The following MARK2 variants were observed in gnomAD, a reference collection of about 807,000 sequenced individuals.
The protein encoded by MARK2 is microtubule affinity regulating kinase 2.
A neutral mutation model predicts 89.8 loss-of-function variants in MARK2; 16 were observed. The observed-to-expected ratio is 0.18, with a 90% CI of 0.12 to 0.27. The LOEUF is 0.27. MARK2 is among the 10% of genes least tolerant of loss of function. MARK2 has a pLI of 1.00. For missense variants in MARK2, 621 were observed against 1,049.9 expected, an observed-to-expected ratio of 0.59 and a Z score of 5.65; for synonymous variants, 382 against 399.5, an observed-to-expected ratio of 0.96 and a Z score of 0.52.
In MARK2 at chr11:63,908,926, C is replaced by T. The variant is rs929510043; in HGVS notation, c.2056C>T (p.Arg686Trp). 4.0e-6 allele frequency: 6 copies of T among 1,506,712 alleles called. No individual in the cohort carries two copies. The highest frequency in any genetic ancestry group is 1.4e-5 in the African/African-American group (1 of 71,714). 93.3% of individuals were successfully genotyped at this position (1,506,712 alleles called of 1,614,324 possible). Residue 686 changes from arginine to tryptophan, a missense_variant, in exon 19 of 19, where the codon CGG becomes TGG. Arg to Trp is a moderately radical substitution (Grantham distance 101). Coordinates refer to ENST00000402010, the MANE Select transcript of MARK2 (RefSeq NM_001039469.3). ...CAACGACAAAGAAAAGGAAGAATTT[C>T]GGGAGGCCAAGCCCCGCTCCCTCCG... ...GGNDKEKEEF[R>W]EAKPRSLRFT... is the part of the protein sequence containing the mutation.
chr11:63,890,347 G>A, intron 1 of MARK2: 1 of 1,152,000 alleles, frequency 8.7e-7, no homozygotes, highest in Non-Finnish European at 1.2e-6. Context: ...GGATGGTTCA[G>A]TCCCGAAAAG....
Position 63,902,354 on chromosome 11 carries a change from G to C in MARK2, c.1234+24G>C. On this transcript the variant is annotated intron_variant, in intron 12 of 18. Coordinates refer to ENST00000402010, the MANE Select transcript of MARK2 (RefSeq NM_001039469.3). The surrounding 1 kb of genome is among the most constrained non-coding windows in gnomAD (Gnocchi z 4.2). ...GGGTAAATGCTTTTGGGAGTTGTAGGTGGGGACTCACCCCTCTCCAGAGAG... is the reference window on the plus strand; with the variant it reads ...GGGTAAATGCTTTTGGGAGTTGTAGCTGGGGACTCACCCCTCTCCAGAGAG... 6.2e-7 allele frequency: 1 copy of C among 1,613,572 alleles called. No homozygotes were observed.
intron 1 of MARK2, among the ~76,000 whole-genome samples, chr11:63,861,281 A>C (rs563369080): frequency 3.2e-4 from 48 of 152,154 alleles, no homozygotes; most frequent in African/African-American, 1.1e-3. Flanking sequence ...TAAAAATACA[A>C]AAAACGTAGC....
chr11:63,885,071 C>T (rs1248634112), intron 1 of MARK2, among the ~76,000 whole-genome samples: 1 of 151,938 alleles, frequency 6.6e-6, no homozygotes, highest in Non-Finnish European at 1.5e-5. Flanking sequence ...GGCTTGGTGG[C>T]CCATGCCTGT....
At chr11:63,891,518 A>G (rs770878856) in intron 1 of MARK2, among the ~76,000 whole-genome samples, 5 of 152,224 alleles carry the variant, frequency 3.3e-5, no homozygotes, top group African/African-American at 4.8e-5. Context: ...CAGGATGGGC[A>G]TGGGATGCCC....
chr11:63,902,024 T>C lies in MARK2; in HGVS notation c.1102-174T>C, dbSNP rs942062803. Among the ~76,000 whole-genome samples, 4 of 152,138 alleles carry C rather than the reference T, an allele frequency of 2.6e-5. No homozygotes were observed. Among genetic ancestry groups the C allele is most frequent in the Non-Finnish European group, 1.5e-5 (1 of 68,018 alleles). ...GTTTGTCAGTGTCTGTGTCAGAGCA[T>C]GTGTGTCTCCAGGGTCTCCTCCAGG... On this transcript the variant is annotated intron_variant, in intron 11 of 18. Transcript: ENST00000402010. The surrounding 1 kb of genome is among the most constrained non-coding windows in gnomAD (Gnocchi z 4.2).
chr11:63,843,130 C>T (rs1160789696), intron 1 of MARK2, among the ~76,000 whole-genome samples: 2 of 152,254 alleles, frequency 1.3e-5, no homozygotes, highest in African/African-American at 2.4e-5. Flanking sequence ...ATCTGGGGCT[C>T]GTAGCTTGGG....
rs1264212627 is a variant in MARK2, at chr11:63,839,253, C to T, written c.-254C>T. 2 of 261,126 alleles carry T rather than the reference C, an allele frequency of 7.7e-6. No individual in the cohort carries two copies. The highest frequency in any genetic ancestry group is 1.4e-5 in the Non-Finnish European group (2 of 140,402). 16.2% of individuals were successfully genotyped at this position (261,126 alleles called of 1,614,324 possible). ...CAGAGAGTAGGCGGAGCGGCGCGGC[C>T]CGGCCGAAAGGCGGCACAGCCCAGC... On this transcript the variant is annotated 5_prime_UTR_variant, in exon 1 of 19. Transcript: ENST00000402010.
chr11:63,888,723 G>A lies in MARK2; in HGVS notation c.55-6436G>A, dbSNP rs73494128. On this transcript the variant is annotated intron_variant, in intron 1 of 18. Coordinates refer to ENST00000402010, the MANE Select transcript of MARK2 (RefSeq NM_001039469.3). The stretch of plus-strand genomic sequence containing the variant: ...CTCTGCTAGTGGTGGTTTCGGTTGC[G>A]ACACCGTCCAGGTTCCCAGGCAGGA... 1,818 of 1,192,140 alleles carry A rather than the reference G, an allele frequency of 1.5e-3. 24 individuals carry two copies. In the African/African-American group the frequency reaches 0.027, roughly 17 times the overall value. 73.8% of individuals were successfully genotyped at this position (1,192,140 alleles called of 1,614,324 possible).
chr11:63,910,081 G>C lies in MARK2; in HGVS notation c.*844G>C, dbSNP rs916285100. ...GGAGGGGCTGACCCCAGGGCTGGGA[G>C]AGGGGAGGGGACTGGAGGGCAGACT... is the stretch of plus-strand genomic sequence containing the variant. On this transcript the variant is annotated 3_prime_UTR_variant, in exon 19 of 19. Transcript: ENST00000402010. 3 of 152,436 alleles carry C rather than the reference G, an allele frequency of 2.0e-5. No individual in the cohort carries two copies. Among genetic ancestry groups the C allele is most frequent in the South Asian group, 2.1e-4 (1 of 4,838 alleles). The allele number at this position is 152,436 out of a possible 1,614,324, so 9.4% of individuals were successfully genotyped here. A position where few individuals can be genotyped will look rare whatever the true frequency, so the allele number is the denominator to read the frequency against.
chr11:63,909,458 TCTC>T lies in MARK2; in HGVS notation c.*225_*227del, dbSNP rs1027315249. 8.5e-5 allele frequency: 38 copies of T among 445,478 alleles called. No homozygotes were observed. The highest frequency in any genetic ancestry group is 1.3e-4 in the Non-Finnish European group (32 of 255,120). The allele number at this position is 445,478 out of a possible 1,614,324, so 27.6% of individuals were successfully genotyped here. A position where few individuals can be genotyped will look rare whatever the true frequency, so the allele number is the denominator to read the frequency against. ...TCACCCCTGCCCAGAGATTCCCCCT[TCTC>T]CTCTCCCCTACTGGAGGCAAAGGAA... On this transcript the variant is annotated 3_prime_UTR_variant, in exon 19 of 19. Coordinates refer to ENST00000402010, the MANE Select transcript of MARK2 (RefSeq NM_001039469.3).
At chr11:63,842,406 A>G (rs2016064875) in intron 1 of MARK2, among the ~76,000 whole-genome samples, 1 of 152,058 alleles carries the variant, frequency 6.6e-6, no homozygotes, top group Non-Finnish European at 1.5e-5. Flanking sequence ...TAGTAGAGAC[A>G]GCGTTTCACC....
At position 63,843,772 on chromosome 11, in the gene MARK2, C is replaced by T. The variant is rs56696313; in HGVS notation, c.54+4212C>T. On this transcript the variant is annotated intron_variant, in intron 1 of 18. Transcript: ENST00000402010. ...CTGGGAGTAGCTGGGACTACAGGCG[C>T]CCACCACCATGCTGGCTAATTTTTG... 3.4e-3 allele frequency among the ~76,000 whole-genome samples: 518 copies of T among 152,202 alleles called. 3 individuals carry two copies. Among genetic ancestry groups the T allele is most frequent in the African/African-American group, 0.012 (502 of 41,524 alleles).
chr11:63,865,003 CCTCAGCCTCCCAA>C (rs1938049034), intron 1 of MARK2, among the ~76,000 whole-genome samples: 1 of 152,188 alleles, frequency 6.6e-6, no homozygotes, highest in South Asian at 2.1e-4. Context: ...AATCCTCCCA[CCTCAGCCTCCCAA>C]GTAGCTGGGA....
At chr11:63,853,434 G>A (rs2016675721) in intron 1 of MARK2, among the ~76,000 whole-genome samples, 1 of 151,770 alleles carries the variant, frequency 6.6e-6, no homozygotes, top group South Asian at 2.1e-4. Flanking sequence ...TGAAGACCAA[G>A]TTAATATCTT....
At chr11:63,850,650 C>T (rs1029959559) in intron 1 of MARK2, among the ~76,000 whole-genome samples, 15 of 151,942 alleles carry the variant, frequency 9.9e-5, no homozygotes, top group African/African-American at 3.1e-4. Context: ...CAAATGATGG[C>T]GGTGGATGTG....
rs1941022181 is a variant in MARK2, at chr11:63,902,958, C to T, written c.1417-103C>T. 8.8e-7 allele frequency: 1 copy of T among 1,135,884 alleles called. No homozygotes were observed. The highest frequency in any genetic ancestry group is 1.3e-6 in the Non-Finnish European group (1 of 754,740). 70.4% of individuals were successfully genotyped at this position (1,135,884 alleles called of 1,614,324 possible). ...TTCCTTAACCTACCACTGTCTGCTT[C>T]AGGTGGAAGGGACAGGAAGCCTGTT... On this transcript the variant is annotated intron_variant, in intron 13 of 18. Transcript: ENST00000402010. This position sits in a 1 kb window ranked among gnomAD's most constrained non-coding sequence, Gnocchi z 4.2.
rs772108809 is a variant in MARK2 at position 63,899,032 on chromosome 11, C to T, written c.475-20C>T. On this transcript the variant is annotated intron_variant, in intron 6 of 18. Coordinates refer to ENST00000402010, the MANE Select transcript of MARK2 (RefSeq NM_001039469.3). ...CCACCCTCAGGCACCCCTGGGTTAA[C>T]CCTTCTTCCTTCCTTTCAGATAGTG... 1.9e-6 allele frequency: 3 copies of T among 1,596,956 alleles called. No homozygotes were observed. The highest frequency in any genetic ancestry group is 2.2e-5 in the South Asian group (2 of 90,744).
intron 1 of MARK2, among the ~76,000 whole-genome samples, chr11:63,853,836 TTTA>T (rs2016695211): frequency 6.6e-6 from 1 of 152,050 alleles, no homozygotes; most frequent in Admixed American, 6.5e-5. Flanking sequence ...TATCATTTTT[TTTA>T]TTTACTTATT....
Sources: allele counts gnomAD v4.1 joint callset (sites outside exome capture counted in the v4.1 genomes callset), GRCh38; gene constraint gnomAD v4.1.1; non-coding constraint Gnocchi (gnomAD v3.1); transcripts MANE v1.5; gene names NCBI Gene and HGNC (gene_info 2026-07-23, HGNC 2026-07-21).